The following NR3C1 variants were observed in gnomAD, a reference collection of about 807,000 sequenced individuals.
NR3C1 encodes the protein glucocorticoid receptor.
In NR3C1, 14 loss-of-function variants were observed where a neutral mutation model predicts 74.0. That is an observed-to-expected ratio of 0.19 (90% CI 0.12 to 0.30). The LOEUF is 0.30. Among genes scored for constraint, NR3C1 ranks in the 10% least tolerant of loss-of-function variants. NR3C1 has a pLI of 1.00. For synonymous variants in NR3C1, 308 were observed against 332.5 expected (o/e 0.93, Z 0.80); for missense variants, 695 against 909.8 (o/e 0.76, Z 3.04).
intron 2 of NR3C1, among the ~76,000 whole-genome samples, chr5:143,350,495 A>C (rs1392927899): frequency 6.6e-6 from 1 of 152,180 alleles, no homozygotes; most frequent in Non-Finnish European, 1.5e-5. Context: ...CTACAGGAGA[A>C]AGAGGAAGCA....
rs763734598 is a variant in NR3C1, at chr5:143,400,153, C to T, written c.687G>A (p.Ala229=). Residue 229 remains alanine (A), a synonymous_variant, in exon 2 of 9, where the codon GCG becomes GCA. Transcript: ENST00000394464. ...IDENCLLSPL[A]GEDDSFLLEG... is the part of the protein sequence containing the mutation. ...CCAAAAGGAATGAATCGTCTTCTCC[C>T]GCCAGAGGAGAAAGCAAACAGTTTT... 1.9e-6 allele frequency: 3 copies of T among 1,614,098 alleles called. No individual in the cohort carries two copies. The highest frequency in any genetic ancestry group is 2.2e-5 in the South Asian group (2 of 91,080).
At chr5:143,311,243 T>C (rs1029797654) in intron 3 of NR3C1, among the ~76,000 whole-genome samples, 1 of 152,130 alleles carries the variant, frequency 6.6e-6, no homozygotes, top group African/African-American at 2.4e-5. Context: ...GAAGTGGTTA[T>C]AATACAAAAA....
chr5:143,355,551 A>G (rs997946101), intron 2 of NR3C1, among the ~76,000 whole-genome samples: 1 of 152,198 alleles, frequency 6.6e-6, no homozygotes, highest in Non-Finnish European at 1.5e-5. Context: ...TAAATATCAT[A>G]TAACATTTTC....
intron 5 of NR3C1, among the ~76,000 whole-genome samples, chr5:143,299,841 TTAA>T (rs1489163766): frequency 2.0e-5 from 3 of 152,192 alleles, no homozygotes; most frequent in Non-Finnish European, 4.4e-5. Flanking sequence ...TCTTTCCCCC[TTAA>T]TAAAACAAGG....
chr5:143,365,015 T>C (rs568943366), intron 2 of NR3C1, among the ~76,000 whole-genome samples: 1 of 152,198 alleles, frequency 6.6e-6, no homozygotes, highest in East Asian at 1.9e-4. Flanking sequence ...CCTAGGCTGT[T>C]AAAATGACAA....
intron 2 of NR3C1, among the ~76,000 whole-genome samples, chr5:143,392,652 T>TTGTGG (rs1308988898): frequency 1.3e-5 from 2 of 152,180 alleles, no homozygotes; most frequent in African/African-American, 4.8e-5. Context: ...AATAAAAACT[T>TTGTGG]TCACAGAGTT....
intron 2 of NR3C1, among the ~76,000 whole-genome samples, chr5:143,356,425 G>T (rs1263261194): frequency 6.6e-6 from 1 of 151,946 alleles, no homozygotes; most frequent in Admixed American, 6.6e-5. Context: ...GAGAAAAATG[G>T]GTGGGAAGTA....
At chr5:143,351,189 C>T (rs1364283305) in intron 2 of NR3C1, among the ~76,000 whole-genome samples, 2 of 152,158 alleles carry the variant, frequency 1.3e-5, no homozygotes, top group African/African-American at 4.8e-5. Context: ...AAGCAACATA[C>T]AGCTCATCCT....
intron 2 of NR3C1, among the ~76,000 whole-genome samples, chr5:143,325,454 G>A (rs966748260): frequency 2.0e-5 from 3 of 152,190 alleles, no homozygotes; most frequent in African/African-American, 4.8e-5. Flanking sequence ...TACAATTCAC[G>A]TTGAGATTCT....
chr5:143,304,619 G>T (rs1016673945), intron 4 of NR3C1, among the ~76,000 whole-genome samples: 5 of 151,860 alleles, frequency 3.3e-5, no homozygotes, highest in Non-Finnish European at 7.4e-5. Flanking sequence ...TAAGCAAAAA[G>T]AACAAAGTTG....
intron 2 of NR3C1, among the ~76,000 whole-genome samples, chr5:143,391,771 C>A (rs904149774): frequency 6.6e-6 from 1 of 152,004 alleles, no homozygotes; most frequent in African/African-American, 2.4e-5. Flanking sequence ...TATGAAACTG[C>A]GATCCATGAC....
chr5:143,303,133 CT>C lies in NR3C1; in HGVS notation c.1469-2371del, dbSNP rs201636743. 1.0e-3 allele frequency among the ~76,000 whole-genome samples: 155 copies of C among 151,290 alleles called. 3 individuals carry two copies. The East Asian group carries it at 0.022, about 22-fold the overall frequency. On this transcript the variant is annotated intron_variant, in intron 4 of 8. Transcript: ENST00000394464. ...GAGATTCCACAGAAGTGAAAAAGAT[CT>C]TCACACTATTACAAGCACCTCTATG... is the stretch of plus-strand genomic sequence containing the variant.
intron 7 of NR3C1, chr5:143,293,823 T>A: frequency 1.1e-6 from 1 of 904,586 alleles, no homozygotes; most frequent in Non-Finnish European, 1.3e-6. Flanking sequence ...AAAAAAATCA[T>A]ATAGCTCAAT....
At chr5:143,402,510 G>T in intron 1 of NR3C1, 2 of 832,022 alleles carry the variant, frequency 2.4e-6, no homozygotes, top group Non-Finnish European at 2.9e-6. Context: ...CCTCAGGCGC[G>T]AATTAACAAC....
intron 1 of NR3C1, chr5:143,402,938 C>G (rs1015399847): frequency 6.4e-6 from 5 of 782,094 alleles, no homozygotes; most frequent in Non-Finnish European, 7.8e-6. Flanking sequence ...AAGCCCCCGG[C>G]AGTTCGACAG....
intron 1 of NR3C1, among the ~76,000 whole-genome samples, chr5:143,432,048 C>T (rs554934166): frequency 3.9e-5 from 6 of 152,208 alleles, no homozygotes; most frequent in South Asian, 2.1e-4. Flanking sequence ...AATATGTGTA[C>T]GACTATCAGG....
chr5:143,389,065 C>T (rs1444997782), intron 2 of NR3C1, among the ~76,000 whole-genome samples: 1 of 152,118 alleles, frequency 6.6e-6, no homozygotes, highest in Non-Finnish European at 1.5e-5. Context: ...TCTTGTTTCC[C>T]ATTCATTCAT....
At chr5:143,358,635 C>G (rs756571348) in intron 2 of NR3C1, among the ~76,000 whole-genome samples, 1 of 152,220 alleles carries the variant, frequency 6.6e-6, no homozygotes, top group African/African-American at 2.4e-5. Flanking sequence ...GGCGCGGTGG[C>G]TCACGCCTGT....
intron 2 of NR3C1, among the ~76,000 whole-genome samples, chr5:143,336,759 G>A (rs546470849): frequency 1.6e-4 from 24 of 148,444 alleles, no homozygotes; most frequent in African/African-American, 5.6e-4. Flanking sequence ...ATCACTTGAC[G>A]TGAGGAGTTC....
Sources: allele counts gnomAD v4.1 joint callset (sites outside exome capture counted in the v4.1 genomes callset), GRCh38; gene constraint gnomAD v4.1.1; transcripts MANE v1.5; gene names NCBI Gene and HGNC (gene_info 2026-07-23, HGNC 2026-07-21).